Variants in RNF220 observed in about 807,000 individuals in gnomAD.
RNF220 encodes the protein ring finger protein 220, also known as E3 ubiquitin-protein ligase RNF220.
In RNF220, 7 loss-of-function variants were observed where a neutral mutation model predicts 67.1. That is an observed-to-expected ratio of 0.10 (90% CI 0.06 to 0.20). The LOEUF (loss-of-function observed/expected upper bound fraction) is 0.20, where lower values mean the gene tolerates loss of function less well. Ranked by LOEUF, RNF220 falls within the 10% of genes least tolerant of loss-of-function variation. The pLI, the probability that RNF220 is intolerant of heterozygous loss-of-function variation, is 1.00. For synonymous variants in RNF220, 270 were observed against 283.2 expected (o/e 0.95, Z 0.47); for missense variants, 565 against 740.3 (o/e 0.76, Z 2.75).
rs917376774 is a variant in RNF220, at chr1:44,565,001, C to T, written c.626-49164C>T. ...TCAACTCTTTATCCCCTGCACATAG[C>T]ATGGGCCTGGCCTGAATCAACTCTA... is the stretch of plus-strand genomic sequence containing the variant. On this transcript the variant is annotated intron_variant, in intron 2 of 14. Coordinates refer to ENST00000361799, the MANE Select transcript of RNF220 (RefSeq NM_018150.4). This position sits in a 1 kb window ranked among gnomAD's most constrained non-coding sequence, Gnocchi z 4.2. Among the ~76,000 whole-genome samples, 15 of 150,866 alleles carry T rather than the reference C, an allele frequency of 9.9e-5. No homozygotes were observed. Among genetic ancestry groups the T allele is most frequent in the Non-Finnish European group, 2.9e-5 (2 of 67,986 alleles).
chr1:44,493,426 A>G (rs1283119765), intron 2 of RNF220, among the ~76,000 whole-genome samples: 1 of 152,152 alleles, frequency 6.6e-6, no homozygotes, highest in African/African-American at 2.4e-5. Flanking sequence ...AGGCAGGAGA[A>G]TCGCTTGAAC....
intron 2 of RNF220, among the ~76,000 whole-genome samples, chr1:44,465,803 A>G (rs775194828): frequency 6.6e-6 from 1 of 152,222 alleles, no homozygotes; most frequent in Non-Finnish European, 1.5e-5. Context: ...AACAATGTAC[A>G]CACCTTAACT....
At chr1:44,603,508 G>A (rs1573011729) in intron 2 of RNF220, among the ~76,000 whole-genome samples, 1 of 152,278 alleles carries the variant, frequency 6.6e-6, no homozygotes, top group East Asian at 1.9e-4. Context: ...GGGAGGCTGA[G>A]GTGACCATTG....
intron 2 of RNF220, among the ~76,000 whole-genome samples, chr1:44,609,205 C>T (rs1431599966): frequency 6.6e-6 from 1 of 152,130 alleles, no homozygotes; most frequent in African/African-American, 2.4e-5. Context: ...TACCCACACA[C>T]ATACTCTTAA....
intron 2 of RNF220, among the ~76,000 whole-genome samples, chr1:44,577,153 C>T (rs573828166): frequency 4.6e-5 from 7 of 152,320 alleles, no homozygotes; most frequent in Non-Finnish European, 1.0e-4. Flanking sequence ...ACTCTACATT[C>T]CAATAATCTT....
At chr1:44,604,935 G>C (rs1183175423) in intron 2 of RNF220, among the ~76,000 whole-genome samples, 3 of 152,220 alleles carry the variant, frequency 2.0e-5, no homozygotes, top group Admixed American at 6.5e-5. Flanking sequence ...AGGTATGTGT[G>C]TCACATGTAA....
At chr1:44,440,282 G>C (rs1346368941) in intron 2 of RNF220, among the ~76,000 whole-genome samples, 1 of 152,160 alleles carries the variant, frequency 6.6e-6, no homozygotes, top group Non-Finnish European at 1.5e-5. Context: ...CATTGCAGAG[G>C]GTTCTGTTGG....
chr1:44,505,925 A>C (rs969412769), intron 2 of RNF220, among the ~76,000 whole-genome samples: 1 of 149,710 alleles, frequency 6.7e-6, no homozygotes, highest in African/African-American at 2.5e-5. Flanking sequence ...TCTCCGCCCT[A>C]CTCTGGTTGG....
chr1:44,515,291 G>A (rs964164232), intron 2 of RNF220, among the ~76,000 whole-genome samples: 4 of 152,160 alleles, frequency 2.6e-5, no homozygotes, highest in African/African-American at 4.8e-5. Flanking sequence ...ATGGAAATGG[G>A]GCTCTTAGAG....
In RNF220 at chr1:44,525,843, A is replaced by G. The variant is rs560110743; in HGVS notation, c.626-88322A>G. On this transcript the variant is annotated intron_variant, in intron 2 of 14. Coordinates refer to ENST00000361799, the MANE Select transcript of RNF220 (RefSeq NM_018150.4). ...CGCCCTCAGTCTGACCATCTCCCAC[A>G]ATTTCTTCGTCTCAAAAATAATGAA... 2.7e-4 allele frequency among the ~76,000 whole-genome samples: 41 copies of G among 152,168 alleles called. No individual in the cohort carries two copies. In the South Asian group the frequency reaches 8.5e-3, roughly 32 times the overall value.
chr1:44,519,015 T>G (rs1309542203), intron 2 of RNF220, among the ~76,000 whole-genome samples: 4 of 151,458 alleles, frequency 2.6e-5, no homozygotes, highest in African/African-American at 4.9e-5. Context: ...AACGAACAAA[T>G]GAACCATGAG....
At chr1:44,471,695 C>T (rs373517588) in intron 2 of RNF220, among the ~76,000 whole-genome samples, 3 of 152,022 alleles carry the variant, frequency 2.0e-5, no homozygotes, top group Non-Finnish European at 2.9e-5. Flanking sequence ...CGTGGTGGCA[C>T]ATGCCTGTAA....
At chr1:44,510,498 C>T (rs1358796944) in intron 2 of RNF220, among the ~76,000 whole-genome samples, 1 of 152,154 alleles carries the variant, frequency 6.6e-6, no homozygotes, top group African/African-American at 2.4e-5. Flanking sequence ...ACTGCTTTTC[C>T]TTCAGTTTGT....
chr1:44,427,350 T>C (rs954250055), intron 2 of RNF220, among the ~76,000 whole-genome samples: 5 of 152,212 alleles, frequency 3.3e-5, no homozygotes, highest in Non-Finnish European at 7.3e-5. Context: ...GAGCACTTCA[T>C]ATATGTATGT....
intron 2 of RNF220, among the ~76,000 whole-genome samples, chr1:44,545,342 G>A (rs1662042090): frequency 6.6e-6 from 1 of 152,190 alleles, no homozygotes; most frequent in South Asian, 2.1e-4. Flanking sequence ...GGAGAAGAAA[G>A]CTACTGTGTA....
At position 44,412,619 on chromosome 1, in the gene RNF220, C is replaced by T. The variant is rs143749704; in HGVS notation, c.522C>T (p.Pro174=). 1.4e-4 allele frequency: 218 copies of T among 1,614,190 alleles called. No homozygotes were observed. In the African/African-American group the frequency reaches 2.2e-3, roughly 16 times the overall value. The change falls in exon 2 of 15, where the codon CCC becomes CCT. Residue 174 remains proline (P), a synonymous_variant. Transcript: ENST00000361799. This position sits in a 1 kb window ranked among gnomAD's most constrained non-coding sequence, Gnocchi z 5.3. Reference sequence around the variant, plus strand: ...GGACACAGCTGCCATCTAGCTCCCCCGGTTCACTAAAGGTTGATGACACTG... The same window carrying T: ...GGACACAGCTGCCATCTAGCTCCCCTGGTTCACTAAAGGTTGATGACACTG... ...DFGTQLPSSS[P]GSLKVDDTGK...
intron 2 of RNF220, among the ~76,000 whole-genome samples, chr1:44,439,664 G>A (rs1305578524): frequency 6.7e-6 from 1 of 149,410 alleles, no homozygotes; most frequent in Non-Finnish European, 1.5e-5. Flanking sequence ...TTTCCCTTTT[G>A]GCTTATCCTT....
chr1:44,546,603 C>T (rs1662174174), intron 2 of RNF220, among the ~76,000 whole-genome samples: 2 of 152,104 alleles, frequency 1.3e-5, no homozygotes. Flanking sequence ...GCAAGCAGAC[C>T]ACATCAGAGG....
intron 2 of RNF220, among the ~76,000 whole-genome samples, chr1:44,448,118 G>A (rs1228157994): frequency 6.6e-6 from 1 of 152,070 alleles, no homozygotes; most frequent in Non-Finnish European, 1.5e-5. Flanking sequence ...GGCCAACATG[G>A]CAAAACTCTG....
Sources: gnomAD v4.1 joint callset for allele counts (sites outside exome capture counted in the v4.1 genomes callset) on GRCh38, gnomAD v4.1.1 for gene constraint, Gnocchi (gnomAD v3.1) non-coding constraint, MANE v1.5 for transcripts, NCBI Gene and HGNC (gene_info 2026-07-23, HGNC 2026-07-21) for gene names.